BCL11B: variants seen among roughly 807,000 people sequenced by gnomAD.
BCL11B encodes BCL11 transcription factor B.
A neutral mutation model predicts 49.9 loss-of-function variants in BCL11B; 8 were observed. The ratio of observed to expected loss-of-function variants is 0.16; its 90% CI spans 0.09 to 0.29. BCL11B has a LOEUF of 0.29. Among genes scored for constraint, BCL11B ranks in the 10% least tolerant of loss-of-function variants. The pLI, the probability that BCL11B is intolerant of heterozygous loss-of-function variation, is 1.00. For synonymous variants in BCL11B, 739 were observed against 637.4 expected, an observed-to-expected ratio of 1.16 and a Z score of -2.40; for missense variants, 1,006 against 1,351.0, an observed-to-expected ratio of 0.74 and a Z score of 4.00.
rs562114893 is a variant in BCL11B at position 99,262,985 on chromosome 14, T to G, written c.59-5146A>C. The stretch of plus-strand genomic sequence containing the variant: ...GAAGTTCCCCTAACGGAGGGAATAA[T>G]GAAGTGCCTGGCAGAGAAGGAAATG... On this transcript the variant is annotated intron_variant, in intron 1 of 3. Coordinates refer to ENST00000357195, the MANE Select transcript of BCL11B (RefSeq NM_138576.4). The surrounding 1 kb of genome is among the most constrained non-coding windows in gnomAD (Gnocchi z 4.2). 6.6e-6 allele frequency: 1 copy of G among 151,838 alleles called. No homozygotes were observed. Among genetic ancestry groups the G allele is most frequent in the Non-Finnish European group, 1.5e-5 (1 of 68,002 alleles). 9.4% of individuals were successfully genotyped at this position (151,838 alleles called of 1,614,324 possible).
intron 1 of BCL11B, among the ~76,000 whole-genome samples, chr14:99,267,295 G>T (rs191340074): frequency 1.3e-5 from 2 of 151,970 alleles, no homozygotes; most frequent in Admixed American, 6.6e-5. Context: ...GAAAAGAAAA[G>T]AAAAGAAATA....
In BCL11B at chr14:99,169,738, G is replaced by A. The variant is rs1057463589; in HGVS notation, c.*4413C>T. Reference sequence around the variant, plus strand: ...GAGTTACAAGGAGCACCAAAATCACGGGTTTGCCTGTGTTCCACGAGACCT... The same window carrying A: ...GAGTTACAAGGAGCACCAAAATCACAGGTTTGCCTGTGTTCCACGAGACCT... On this transcript the variant is annotated 3_prime_UTR_variant, in exon 4 of 4. Coordinates refer to ENST00000357195, the MANE Select transcript of BCL11B (RefSeq NM_138576.4). 3.1e-5 allele frequency: 7 copies of A among 223,164 alleles called. No homozygotes were observed. The highest frequency in any genetic ancestry group is 4.5e-5 in the Non-Finnish European group (5 of 111,572). 13.8% of individuals were successfully genotyped at this position (223,164 alleles called of 1,614,324 possible). A position where few individuals can be genotyped will look rare whatever the true frequency, so the allele number is the denominator to read the frequency against.
intron 3 of BCL11B, among the ~76,000 whole-genome samples, chr14:99,212,395 C>G (rs1470042609): frequency 1.3e-5 from 2 of 152,212 alleles, no homozygotes; most frequent in Non-Finnish European, 2.9e-5. Context: ...GCTCCGAATG[C>G]ACCTGCCCTG....
chr14:99,198,995 CTT>C (rs1372575021), intron 3 of BCL11B, among the ~76,000 whole-genome samples: 1 of 152,108 alleles, frequency 6.6e-6, no homozygotes, highest in African/African-American at 2.4e-5. Flanking sequence ...GCGAGGGACG[CTT>C]TGCGCGGGGC....
chr14:99,256,899 G>C (rs1889179308), intron 2 of BCL11B, among the ~76,000 whole-genome samples: 1 of 152,084 alleles, frequency 6.6e-6, no homozygotes, highest in African/African-American at 2.4e-5. Flanking sequence ...CTGAGATCAG[G>C]GGGCCTAACT....
chr14:99,224,713 C>G (rs1239965560), intron 3 of BCL11B, among the ~76,000 whole-genome samples: 1 of 152,268 alleles, frequency 6.6e-6, no homozygotes, highest in East Asian at 1.9e-4. Flanking sequence ...GGATGGTAAG[C>G]AAGTACTTCA....
chr14:99,250,820 A>G (rs1344669598), intron 2 of BCL11B, among the ~76,000 whole-genome samples: 3 of 152,024 alleles, frequency 2.0e-5, no homozygotes, highest in Non-Finnish European at 4.4e-5. Flanking sequence ...TGCTGGAAGT[A>G]TGGAACTACG....
chr14:99,233,597 C>G (rs1276034253), intron 2 of BCL11B, among the ~76,000 whole-genome samples: 1 of 152,198 alleles, frequency 6.6e-6, no homozygotes, highest in African/African-American at 2.4e-5. Flanking sequence ...AGCTCGAGGC[C>G]TGGTAAGGGT....
intron 3 of BCL11B, among the ~76,000 whole-genome samples, chr14:99,223,646 T>C (rs373899168): frequency 3.0e-4 from 45 of 152,348 alleles, no homozygotes; most frequent in African/African-American, 1.0e-3. Context: ...TTCTTCCACA[T>C]AACATGCGGT....
chr14:99,199,694 GCGCA>G (rs1261172261), intron 3 of BCL11B, among the ~76,000 whole-genome samples: 19 of 63,738 alleles, frequency 3.0e-4, no homozygotes, highest in East Asian at 5.5e-4. Context: ...GCGCGCGCGC[GCGCA>G]CGTGCACGTG....
chr14:99,173,383 C>G lies in BCL11B; in HGVS notation c.*768G>C, dbSNP rs1466452531. On this transcript the variant is annotated 3_prime_UTR_variant, in exon 4 of 4. Coordinates refer to ENST00000357195, the MANE Select transcript of BCL11B (RefSeq NM_138576.4). ...TGTGGGGTGCCTCCCCCAGCACCACCACTCAAGGTTTCCCTTATGTAATAT... is the reference window on the plus strand; with the variant it reads ...TGTGGGGTGCCTCCCCCAGCACCACGACTCAAGGTTTCCCTTATGTAATAT... 1 of 219,818 alleles carries G rather than the reference C, an allele frequency of 4.5e-6. No individual in the cohort carries two copies. The highest frequency in any genetic ancestry group is 5.8e-5 in the Admixed American group (1 of 17,258). The allele number at this position is 219,818 out of a possible 1,614,324, so 13.6% of individuals were successfully genotyped here. A position where few individuals can be genotyped will look rare whatever the true frequency, so the allele number is the denominator to read the frequency against.
chr14:99,265,055 G>A (rs1889442572), intron 1 of BCL11B, among the ~76,000 whole-genome samples: 3 of 151,992 alleles, frequency 2.0e-5, no homozygotes, highest in Admixed American at 2.0e-4. Context: ...CAAATGGCCT[G>A]AGTCAAAAGA....
At chr14:99,210,158 T>C (rs1047453308) in intron 3 of BCL11B, among the ~76,000 whole-genome samples, 1 of 152,180 alleles carries the variant, frequency 6.6e-6, no homozygotes, top group Non-Finnish European at 1.5e-5. Context: ...GGTGCTGTGA[T>C]TGACAAGTGA....
rs1195526922 is a variant in BCL11B at position 99,257,972 on chromosome 14, C to A, written c.59-133G>T. 5.3e-6 allele frequency: 6 copies of A among 1,132,926 alleles called. No individual in the cohort carries two copies. Among genetic ancestry groups the A allele is most frequent in the Non-Finnish European group, 7.1e-6 (6 of 850,996 alleles). The allele number at this position is 1,132,926 out of a possible 1,614,324, so 70.2% of individuals were successfully genotyped here. A position where few individuals can be genotyped will look rare whatever the true frequency, so the allele number is the denominator to read the frequency against. On this transcript the variant is annotated intron_variant, in intron 1 of 3. Coordinates refer to ENST00000357195, the MANE Select transcript of BCL11B (RefSeq NM_138576.4). The surrounding 1 kb of genome is among the most constrained non-coding windows in gnomAD (Gnocchi z 6.2). ...CTCTGCTGCTGGCTGCCAGAGCTCA[C>A]CAGGTCCTCCCCGGGGTTGGGGGCT... is the stretch of plus-strand genomic sequence containing the variant.
chr14:99,245,541 G>C (rs1888799889), intron 2 of BCL11B, among the ~76,000 whole-genome samples: 1 of 152,222 alleles, frequency 6.6e-6, no homozygotes, highest in African/African-American at 2.4e-5. Flanking sequence ...TGGATCCCGG[G>C]AACCGCCCGC....
Position 99,172,041 on chromosome 14 carries a change from GA to G in BCL11B, c.*2109del, listed in dbSNP as rs1331892828. 24 of 207,102 alleles carry G rather than the reference GA, an allele frequency of 1.2e-4. No individual in the cohort carries two copies. Among genetic ancestry groups the G allele is most frequent in the East Asian group, 2.9e-4 (4 of 13,848 alleles). The allele number at this position is 207,102 out of a possible 1,614,324, so 12.8% of individuals were successfully genotyped here. On this transcript the variant is annotated 3_prime_UTR_variant, in exon 4 of 4. Coordinates refer to ENST00000357195, the MANE Select transcript of BCL11B (RefSeq NM_138576.4). The stretch of plus-strand genomic sequence containing the variant: ...TTGTATAACCTATTAAGCAAACTTT[GA>G]AAAAAAAAGATCGCTCCAACACACA...
rs1448633217 is a variant in BCL11B, at chr14:99,184,416, G to A, written c.641-8221C>T. On this transcript the variant is annotated intron_variant, in intron 3 of 3. Coordinates refer to ENST00000357195, the MANE Select transcript of BCL11B (RefSeq NM_138576.4). This position sits in a 1 kb window ranked among gnomAD's most constrained non-coding sequence, Gnocchi z 6.1. Reference sequence around the variant, plus strand: ...TTCAGCATGGCTACAGCCTGCACGTGCCAATGTTGGCCTTTTGCTGTCAGG... The same window carrying A: ...TTCAGCATGGCTACAGCCTGCACGTACCAATGTTGGCCTTTTGCTGTCAGG... Among the ~76,000 whole-genome samples, 3 of 152,330 alleles carry A rather than the reference G, an allele frequency of 2.0e-5. No individual in the cohort carries two copies. Among genetic ancestry groups the A allele is most frequent in the East Asian group, 1.9e-4 (1 of 5,178 alleles).
chr14:99,233,226 C>G (rs192163180), intron 2 of BCL11B, among the ~76,000 whole-genome samples: 59 of 152,150 alleles, frequency 3.9e-4, no homozygotes, highest in African/African-American at 1.3e-3. Flanking sequence ...CCTATGTAGG[C>G]CTTCCCTGCA....
intron 3 of BCL11B, among the ~76,000 whole-genome samples, chr14:99,211,351 C>T (rs958060760): frequency 6.6e-6 from 1 of 152,166 alleles, no homozygotes; most frequent in Non-Finnish European, 1.5e-5. Context: ...AGCCTCTGGG[C>T]CCAGGGCAGA....
Sources: allele counts gnomAD v4.1 joint callset (sites outside exome capture counted in the v4.1 genomes callset), GRCh38; gene constraint gnomAD v4.1.1; non-coding constraint Gnocchi (gnomAD v3.1); transcripts MANE v1.5; gene names NCBI Gene and HGNC (gene_info 2026-07-23, HGNC 2026-07-21).